The following MAP4K4 variants were observed in gnomAD, a reference collection of about 807,000 sequenced individuals.
MAP4K4 encodes the protein HPK/GCK-like kinase HGK.
In MAP4K4, 38 loss-of-function variants were observed where a neutral mutation model predicts 189.6. The ratio of observed to expected loss-of-function variants is 0.20; its 90% CI spans 0.15 to 0.26. The LOEUF (loss-of-function observed/expected upper bound fraction) is 0.26, where lower values mean the gene tolerates loss of function less well. MAP4K4 is among the 10% of genes least tolerant of loss of function. The pLI, the probability that MAP4K4 is intolerant of heterozygous loss-of-function variation, is 1.00. For synonymous variants in MAP4K4, 610 were observed against 624.3 expected (o/e 0.98, Z 0.34); for missense variants, 1,054 against 1,726.9 (o/e 0.61, Z 6.91).
At chr2:101,707,857 A>AT (rs55877251) in intron 2 of MAP4K4, among the ~76,000 whole-genome samples, 2 of 136,264 alleles carry the variant, frequency 1.5e-5, no homozygotes, top group East Asian at 2.1e-4. Flanking sequence ...CGCCTGGCTA[A>AT]TTTTTTTTTT....
chr2:101,733,533 C>T (rs1343178919), intron 2 of MAP4K4, among the ~76,000 whole-genome samples: 2 of 152,162 alleles, frequency 1.3e-5, no homozygotes, highest in Admixed American at 1.3e-4. Context: ...GCCACAGGCA[C>T]TCTGAAATTG....
chr2:101,848,139 C>T (rs1337699264), intron 12 of MAP4K4, among the ~76,000 whole-genome samples: 2 of 152,180 alleles, frequency 1.3e-5, no homozygotes, highest in African/African-American at 4.8e-5. Context: ...CACCTAACGA[C>T]GCATTTCTAG....
intron 7 of MAP4K4, among the ~76,000 whole-genome samples, chr2:101,833,252 A>G (rs2096640501): frequency 6.6e-6 from 1 of 152,274 alleles, no homozygotes; most frequent in African/African-American, 2.4e-5. Flanking sequence ...AAGATAGCAT[A>G]TAAACAAATA....
intron 2 of MAP4K4, among the ~76,000 whole-genome samples, chr2:101,748,444 C>T (rs866500964): frequency 2.6e-5 from 4 of 152,200 alleles, no homozygotes; most frequent in Non-Finnish European, 4.4e-5. Flanking sequence ...GAAGAACTTT[C>T]ATGCGTCCAT....
At chr2:101,863,353 C>G (rs901084584) in intron 16 of MAP4K4, among the ~76,000 whole-genome samples, 2 of 152,112 alleles carry the variant, frequency 1.3e-5, no homozygotes, top group African/African-American at 4.8e-5. Context: ...TTTTGTTACT[C>G]GCTCTGGTGT....
intron 2 of MAP4K4, among the ~76,000 whole-genome samples, chr2:101,735,432 G>A (rs550468893): frequency 3.3e-4 from 50 of 152,154 alleles, no homozygotes; most frequent in Non-Finnish European, 6.9e-4. Flanking sequence ...TCTGTTCAAT[G>A]CCCAATCAGG....
intron 3 of MAP4K4, among the ~76,000 whole-genome samples, chr2:101,818,010 G>C (rs2095825105): frequency 6.6e-6 from 1 of 152,052 alleles, no homozygotes; most frequent in Admixed American, 6.6e-5. Context: ...TAGTTGACTA[G>C]TTAGTGAATT....
At chr2:101,844,019 G>C (rs1225623762) in intron 11 of MAP4K4, 82 bp from the exon 12 acceptor site, 1 of 871,944 alleles carries the variant, frequency 1.1e-6, no homozygotes, top group African/African-American at 1.7e-5. Context: ...TGTAGAAATG[G>C]GATAATATGC....
intron 21 of MAP4K4, 129 bp downstream of exon 21, chr2:101,868,166 A>C: frequency 9.8e-7 from 1 of 1,017,238 alleles, no homozygotes; most frequent in Admixed American, 2.2e-5. Context: ...GAATTTAAAA[A>C]CCTCAAACTT....
At chr2:101,836,569 CAA>C (rs2096761555) in intron 9 of MAP4K4, among the ~76,000 whole-genome samples, 1 of 151,584 alleles carries the variant, frequency 6.6e-6, no homozygotes, top group East Asian at 1.9e-4. Context: ...GCCTGGGTAA[CAA>C]GAGCGAAACT....
chr2:101,769,157 T>TA (rs1478045634), intron 2 of MAP4K4, among the ~76,000 whole-genome samples: 6 of 152,236 alleles, frequency 3.9e-5, no homozygotes, highest in African/African-American at 1.4e-4. Flanking sequence ...AAAGTTTCGT[T>TA]AAGTGACTTG....
chr2:101,838,852 C>G (rs191485757), intron 9 of MAP4K4, among the ~76,000 whole-genome samples: 1 of 152,002 alleles, frequency 6.6e-6, no homozygotes, highest in African/African-American at 2.4e-5. Flanking sequence ...TTTTAAAGAC[C>G]GAAGAATACC....
At chr2:101,842,953 C>G (rs1389559724) in intron 11 of MAP4K4, among the ~76,000 whole-genome samples, 8 of 152,090 alleles carry the variant, frequency 5.3e-5, no homozygotes, top group African/African-American at 1.4e-4. Context: ...GGAGAGTGCC[C>G]CAGCATTTAT....
Position 101,851,971 on chromosome 2 carries a change from G to A in MAP4K4, c.1234-4006G>A, listed in dbSNP as rs142754626. 1.5e-3 allele frequency among the ~76,000 whole-genome samples: 224 copies of A among 151,960 alleles called. 1 individual carries two copies. Among genetic ancestry groups the A allele is most frequent in the African/African-American group, 4.8e-3 (199 of 41,498 alleles). ...AAGTATTTCTCAAATAGATGGATTA[G>A]TTGTTTGTAGTCTTGTGTGTATCTC... On this transcript the variant is annotated intron_variant, in intron 12 of 32. Coordinates refer to ENST00000324219, the Ensembl canonical transcript of MAP4K4.
intron 2 of MAP4K4, among the ~76,000 whole-genome samples, chr2:101,775,949 C>T (rs2083877264): frequency 6.6e-6 from 1 of 152,216 alleles, no homozygotes; most frequent in Admixed American, 6.5e-5. Flanking sequence ...AGGGCCAAAC[C>T]TGTTTGTTTT....
intron 10 of MAP4K4, among the ~76,000 whole-genome samples, chr2:101,841,531 C>G (rs866002837): frequency 6.6e-6 from 1 of 151,200 alleles, no homozygotes; most frequent in East Asian, 1.9e-4. Context: ...TACAGTGGTG[C>G]GTTCTTGGCT....
intron 8 of MAP4K4, 88 bp downstream of exon 8, chr2:101,834,551 G>A: frequency 1.0e-6 from 1 of 989,828 alleles, no homozygotes; most frequent in South Asian, 1.4e-5. Context: ...TCAGCTCCAT[G>A]GATAAAGGCA....
chr2:101,883,357 G>A (rs1242396812), intron 28 of MAP4K4, among the ~76,000 whole-genome samples: 1 of 151,760 alleles, frequency 6.6e-6, no homozygotes, highest in Non-Finnish European at 1.5e-5. Context: ...TTGAGATGGA[G>A]TTTTGCTCTT....
intron 2 of MAP4K4, among the ~76,000 whole-genome samples, chr2:101,737,807 C>T (rs2061072978): frequency 2.0e-5 from 3 of 152,072 alleles, no homozygotes; most frequent in Admixed American, 2.0e-4. Flanking sequence ...TGCCTTTTCT[C>T]TCTACTCTCT....
Sources: allele counts gnomAD v4.1 joint callset (sites outside exome capture counted in the v4.1 genomes callset), GRCh38; gene constraint gnomAD v4.1.1; transcripts MANE v1.5; gene names NCBI Gene and HGNC (gene_info 2026-07-23, HGNC 2026-07-21).